STMN2: variants seen among roughly 807,000 people sequenced by gnomAD.
STMN2 encodes the protein stathmin-2.
A neutral mutation model predicts 24.1 loss-of-function variants in STMN2; 2 were observed. The observed-to-expected ratio is 0.08, with a 90% CI of 0.03 to 0.26. The LOEUF (loss-of-function observed/expected upper bound fraction) is 0.26. STMN2 is among the 10% of genes least tolerant of loss of function. The pLI is 1.00. For missense variants in STMN2, 114 were observed against 213.6 expected (o/e 0.53, Z 2.91); for synonymous variants, 83 against 77.5 (o/e 1.07, Z -0.37).
chr8:79,655,702 G>A (rs1806330091), intron 4 of STMN2, among the ~76,000 whole-genome samples: 2 of 152,062 alleles, frequency 1.3e-5, no homozygotes, highest in African/African-American at 4.8e-5. Flanking sequence ...GAGTTCTTCT[G>A]AAAAATGCTG....
chr8:79,613,365 G>T (rs1301487222), intron 1 of STMN2: 1 of 984,830 alleles, frequency 1.0e-6, no homozygotes, highest in Non-Finnish European at 1.2e-6. Context: ...GCCCCGCGCC[G>T]CGCCCTGCGC....
In STMN2 at chr8:79,637,213, G is replaced by A. The variant is rs184731368; in HGVS notation, c.115+316G>A. Reference sequence around the variant, plus strand: ...TAATTTAATAGGCTAAGCCATAATTGGAGTAGATCATAATTTGTAAGAAAA... The same window carrying A: ...TAATTTAATAGGCTAAGCCATAATTAGAGTAGATCATAATTTGTAAGAAAA... On this transcript the variant is annotated intron_variant, in intron 2 of 4. Transcript: ENST00000220876. Among the ~76,000 whole-genome samples the A allele has an allele frequency of 3.3e-5, 5 of 152,210 alleles. No individual in the cohort carries two copies. The East Asian group carries it at 9.7e-4, about 29-fold the overall frequency.
intron 4 of STMN2, among the ~76,000 whole-genome samples, chr8:79,660,086 T>C (rs566230637): frequency 1.3e-5 from 2 of 152,172 alleles, no homozygotes; most frequent in East Asian, 1.9e-4. Context: ...ATCAAGCATA[T>C]AACACAACCA....
intron 3 of STMN2, among the ~76,000 whole-genome samples, chr8:79,642,003 G>T (rs528794787): frequency 6.6e-6 from 1 of 152,184 alleles, no homozygotes; most frequent in South Asian, 2.1e-4. Context: ...GTCAGGCGTG[G>T]TTTTCCTTGG....
In STMN2 at chr8:79,615,219, T is replaced by C. The variant is rs547952007; in HGVS notation, c.19+4005T>C. ...AAATTCAGGCCATCTTTAGGAAAAT[T>C]CCGGATTTATCAATCACCATTATTT... On this transcript the variant is annotated intron_variant, in intron 1 of 4. Transcript: ENST00000220876. Among the ~76,000 whole-genome samples the C allele has an allele frequency of 5.3e-5, 8 of 152,306 alleles. No individual in the cohort carries two copies. The South Asian group carries it at 1.5e-3, about 28-fold the overall frequency.
At chr8:79,624,453 CAAAAAAAAAAAA>C (rs1011493193) in intron 1 of STMN2, among the ~76,000 whole-genome samples, 65 of 45,132 alleles carry the variant, frequency 1.4e-3, no homozygotes, top group Non-Finnish European at 2.6e-3. Flanking sequence ...GACTCCGTCT[CAAAAAAAAAAAA>C]AAAAAAAAAA....
chr8:79,620,262 G>T lies in STMN2; in HGVS notation c.19+9048G>T, dbSNP rs143358469. Among the ~76,000 whole-genome samples the T allele has an allele frequency of 1.0e-2, 1,495 of 149,524 alleles. 55 individuals are homozygous for T. The highest frequency in any genetic ancestry group is 0.074 in the East Asian group (378 of 5,134). ...ATATTTATATGTAATATATAAATAT[G>T]TTATATATCATGTATGTGCCTATTT... On this transcript the variant is annotated intron_variant, in intron 1 of 4. Transcript: ENST00000220876.
At position 79,611,231 on chromosome 8, in the gene STMN2, C is replaced by T; in HGVS notation, c.19+17C>T. The T allele has an allele frequency of 1.2e-5, 20 of 1,613,920 alleles. No homozygotes were observed. Among genetic ancestry groups the T allele is most frequent in the Non-Finnish European group, 1.5e-5 (18 of 1,180,016 alleles). On this transcript the variant is annotated intron_variant, in intron 1 of 4. Coordinates refer to ENST00000220876, the MANE Select transcript of STMN2 (RefSeq NM_007029.4). ...CAGCAATGGGTAAGGCACTGCGCCT[C>T]GTTCTCCGTCGGCTCTACCTGGAGC...
chr8:79,635,531 T>C (rs928348453), intron 1 of STMN2, among the ~76,000 whole-genome samples: 5 of 152,130 alleles, frequency 3.3e-5, no homozygotes, highest in Non-Finnish European at 7.3e-5. Context: ...GCAGATTGGA[T>C]AAAGAAAATG....
intron 3 of STMN2, among the ~76,000 whole-genome samples, chr8:79,647,217 A>C (rs1810236861): frequency 6.6e-6 from 1 of 152,232 alleles, no homozygotes; most frequent in Non-Finnish European, 1.5e-5. Flanking sequence ...TACCATGATT[A>C]TAATCAAAGG....
At chr8:79,652,764 TTA>T (rs1810362145) in intron 3 of STMN2, among the ~76,000 whole-genome samples, 1 of 152,132 alleles carries the variant, frequency 6.6e-6, no homozygotes, top group African/African-American at 2.4e-5. Context: ...GGTACTATTC[TTA>T]TCCATTACCA....
chr8:79,628,957 G>C (rs1204006855), intron 1 of STMN2, among the ~76,000 whole-genome samples: 1 of 152,212 alleles, frequency 6.6e-6, no homozygotes, highest in Non-Finnish European at 1.5e-5. Context: ...TTCAGGCTAT[G>C]ATGTGATAAA....
intron 1 of STMN2, among the ~76,000 whole-genome samples, chr8:79,619,040 G>A (rs1563433062): frequency 6.6e-6 from 1 of 151,544 alleles, no homozygotes; most frequent in Non-Finnish European, 1.5e-5. Flanking sequence ...TATTTTTATA[G>A]GGCAAAAATA....
At chr8:79,630,034 T>TA (rs1809762461) in intron 1 of STMN2, among the ~76,000 whole-genome samples, 2 of 152,172 alleles carry the variant, frequency 1.3e-5, no homozygotes, top group African/African-American at 4.8e-5. Context: ...TAAATCATGA[T>TA]ATAACTAATA....
chr8:79,630,825 G>A (rs1383367225), intron 1 of STMN2, among the ~76,000 whole-genome samples: 1 of 152,078 alleles, frequency 6.6e-6, no homozygotes. Flanking sequence ...CCCTGGCTTT[G>A]TCTCATTTAA....
At position 79,628,161 on chromosome 8, in the gene STMN2, A is replaced by AT. The variant is rs568756660; in HGVS notation, c.20-8635dup. Among the ~76,000 whole-genome samples, 28 of 150,560 alleles carry AT rather than the reference A, an allele frequency of 1.9e-4. No homozygotes were observed. The East Asian group carries it at 4.9e-3, about 26-fold the overall frequency. ...TCATCTAGTAGTTTTATTTTTTTTT[A>AT]TTTTTTATTTTTTTTATTTTGAGAC... On this transcript the variant is annotated intron_variant, in intron 1 of 4. Coordinates refer to ENST00000220876, the MANE Select transcript of STMN2 (RefSeq NM_007029.4).
In STMN2 at chr8:79,653,107, G is replaced by A. The variant is rs538587937; in HGVS notation, c.289-1764G>A. ...AATGTCCTAAAACCAGCCAAGCACA[G>A]TGGCTCACACCTATAATCCCAGTAC... On this transcript the variant is annotated intron_variant, in intron 3 of 4. Coordinates refer to ENST00000220876, the MANE Select transcript of STMN2 (RefSeq NM_007029.4). Among the ~76,000 whole-genome samples the A allele has an allele frequency of 8.5e-5, 13 of 152,274 alleles. No homozygotes were observed. In the South Asian group the frequency reaches 2.5e-3, roughly 29 times the overall value.
intron 1 of STMN2, chr8:79,611,813 T>C (rs1321400948): frequency 9.0e-6 from 5 of 555,638 alleles, no homozygotes. Flanking sequence ...GGGGACAGGG[T>C]GGGGGTAGGA....
intron 4 of STMN2, among the ~76,000 whole-genome samples, chr8:79,661,521 T>C (rs1293370433): frequency 6.6e-6 from 1 of 152,120 alleles, no homozygotes; most frequent in Non-Finnish European, 1.5e-5. Flanking sequence ...ACATGTCTGA[T>C]GAACACTTAC....
Sources: gnomAD v4.1 joint callset for allele counts (sites outside exome capture counted in the v4.1 genomes callset) on GRCh38, gnomAD v4.1.1 for gene constraint, MANE v1.5 for transcripts, NCBI Gene and HGNC (gene_info 2026-07-23, HGNC 2026-07-21) for gene names.